Variants in NRXN3 observed in about 807,000 individuals in gnomAD.
NRXN3 encodes neurexin III.
A neutral mutation model predicts 137.6 loss-of-function variants in NRXN3; 32 were observed. That is an observed-to-expected ratio of 0.23 (90% CI 0.18 to 0.31). NRXN3 has a LOEUF of 0.31. Ranked by LOEUF, NRXN3 falls within the 10% of genes least tolerant of loss-of-function variation. NRXN3 has a pLI of 1.00. For missense variants in NRXN3, 1,574 were observed against 2,062.5 expected, an observed-to-expected ratio of 0.76 and a Z score of 4.59; for synonymous variants, 798 against 784.5, an observed-to-expected ratio of 1.02 and a Z score of -0.29.
chr14:78,513,015 A>G (rs1440504136), intron 4 of NRXN3, among the ~76,000 whole-genome samples: 2 of 152,128 alleles, frequency 1.3e-5, no homozygotes. Context: ...CTCATCCCAG[A>G]GCATTTGTTG....
intron 15 of NRXN3, among the ~76,000 whole-genome samples, chr14:79,026,108 T>C (rs1229162660): frequency 1.3e-5 from 2 of 152,088 alleles, no homozygotes; most frequent in African/African-American, 4.8e-5. Flanking sequence ...ATAGAGAAAG[T>C]AGGACTGGAA....
intron 8 of NRXN3, among the ~76,000 whole-genome samples, chr14:78,786,754 C>T (rs1245728883): frequency 2.0e-5 from 3 of 152,048 alleles, no homozygotes; most frequent in African/African-American, 7.2e-5. Flanking sequence ...TGTATATGTA[C>T]ACATATGTAT....
chr14:79,593,114 G>A (rs780606734), intron 16 of NRXN3, among the ~76,000 whole-genome samples: 1 of 151,704 alleles, frequency 6.6e-6, no homozygotes, highest in Non-Finnish European at 1.5e-5. Flanking sequence ...TCATATCTTA[G>A]CCCCTTTTCA....
chr14:79,148,302 A>G (rs1000171851), intron 15 of NRXN3, among the ~76,000 whole-genome samples: 3 of 152,182 alleles, frequency 2.0e-5, no homozygotes, highest in Non-Finnish European at 2.9e-5. Context: ...AGAGCCAACC[A>G]TTCACAGATC....
intron 16 of NRXN3, among the ~76,000 whole-genome samples, chr14:79,658,688 A>G (rs1013162682): frequency 1.3e-5 from 2 of 152,182 alleles, no homozygotes; most frequent in Non-Finnish European, 2.9e-5. Context: ...CCAGACTTTG[A>G]AATGGGTATG....
intron 1 of NRXN3, among the ~76,000 whole-genome samples, chr14:78,219,315 C>T (rs1358996588): frequency 3.9e-5 from 6 of 152,136 alleles, no homozygotes; most frequent in African/African-American, 1.2e-4. Context: ...GAAAATTAGA[C>T]CTCTTAAAGT....
At chr14:79,401,418 C>G (rs974086070) in intron 15 of NRXN3, among the ~76,000 whole-genome samples, 3 of 152,154 alleles carry the variant, frequency 2.0e-5, no homozygotes, top group Non-Finnish European at 4.4e-5. Context: ...AGTCCCACAC[C>G]AGACTTACTG....
At chr14:78,408,987 G>A (rs1475032233) in intron 4 of NRXN3, among the ~76,000 whole-genome samples, 1 of 152,320 alleles carries the variant, frequency 6.6e-6, no homozygotes, top group South Asian at 2.1e-4. Context: ...CCTACTTCAG[G>A]ACTTGAAATT....
chr14:79,454,498 G>A (rs973577625), intron 15 of NRXN3, among the ~76,000 whole-genome samples: 6 of 152,148 alleles, frequency 3.9e-5, no homozygotes, highest in Non-Finnish European at 8.8e-5. Context: ...ATACAGGCAT[G>A]AGTCACCGTG....
In NRXN3 at chr14:78,943,239, C is replaced by G. The variant is rs553896772; in HGVS notation, c.2276-14003C>G. The stretch of plus-strand genomic sequence containing the variant: ...GGGAAAACCATGGACAGCCATGTCA[C>G]TGAAGATGGGAGTGGCTGCTGAAGC... On this transcript the variant is annotated intron_variant, in intron 10 of 20. Transcript: ENST00000335750. Among the ~76,000 whole-genome samples, 5 of 152,152 alleles carry G rather than the reference C, an allele frequency of 3.3e-5. No individual in the cohort carries two copies. In the South Asian group the frequency reaches 1.0e-3, roughly 32 times the overall value.
chr14:79,529,140 C>A (rs1449831664), intron 16 of NRXN3, among the ~76,000 whole-genome samples: 2 of 152,162 alleles, frequency 1.3e-5, no homozygotes, highest in Admixed American at 1.3e-4. Flanking sequence ...AAAATCCGAG[C>A]TCTCTGAGTG....
At chr14:79,142,492 C>T (rs931472246) in intron 15 of NRXN3, among the ~76,000 whole-genome samples, 2 of 151,024 alleles carry the variant, frequency 1.3e-5, no homozygotes, top group African/African-American at 2.4e-5. Context: ...CTGAGGGGGA[C>T]ATTTGAGCAA....
At chr14:78,326,637 A>AATTACTTG (rs1352478439) in intron 4 of NRXN3, among the ~76,000 whole-genome samples, 2 of 152,170 alleles carry the variant, frequency 1.3e-5, no homozygotes, top group African/African-American at 2.4e-5. Context: ...TAACTAGGAC[A>AATTACTTG]TCCAGGAGCA....
At chr14:78,897,114 T>G (rs1209325423) in intron 10 of NRXN3, among the ~76,000 whole-genome samples, 1 of 151,936 alleles carries the variant, frequency 6.6e-6, no homozygotes, top group East Asian at 1.9e-4. Context: ...GCCTACAAGC[T>G]GAAAATATTT....
chr14:79,032,862 G>A (rs1048794046), intron 15 of NRXN3, among the ~76,000 whole-genome samples: 1 of 152,038 alleles, frequency 6.6e-6, no homozygotes, highest in South Asian at 2.1e-4. Flanking sequence ...ACTGCTCTAT[G>A]GTTCAGTTAT....
chr14:78,179,834 G>GGTTTTTTTTTTTTTTTTTTTTTTT (rs2059638801), intron 1 of NRXN3, among the ~76,000 whole-genome samples: 1 of 111,394 alleles, frequency 9.0e-6, no homozygotes, highest in Non-Finnish European at 1.9e-5. Flanking sequence ...GTTTGTTTCT[G>GGTTTTTTTTTTTTTTTTTTTTTTT]TTTTTTTGTT....
intron 4 of NRXN3, among the ~76,000 whole-genome samples, chr14:78,606,327 CA>C (rs2097252567): frequency 6.6e-6 from 1 of 152,114 alleles, no homozygotes; most frequent in African/African-American, 2.4e-5. Flanking sequence ...TTTTTTTAGT[CA>C]GGAAATACCA....
rs988674063 is a variant in NRXN3, at chr14:79,868,050, G to A, written c.*6086G>A. ...ACTTAAGATAAACTGCTTAGCTAAG[G>A]CTCAGCTTTCATACCTATAATTTTG... On this transcript the variant is annotated 3_prime_UTR_variant, in exon 21 of 21. Coordinates refer to ENST00000335750, the MANE Select transcript of NRXN3 (RefSeq NM_001330195.2). 1.3e-5 allele frequency: 2 copies of A among 152,022 alleles called. No individual in the cohort carries two copies. The highest frequency in any genetic ancestry group is 3.9e-4 in the East Asian group (2 of 5,194). 9.4% of individuals were successfully genotyped at this position (152,022 alleles called of 1,614,324 possible).
intron 4 of NRXN3, among the ~76,000 whole-genome samples, chr14:78,391,036 G>T (rs1342082786): frequency 6.6e-6 from 1 of 152,124 alleles, no homozygotes; most frequent in African/African-American, 2.4e-5. Context: ...TGTGGTGTTT[G>T]GTTTTCTGTT....
Sources: gnomAD v4.1 joint callset for allele counts (sites outside exome capture counted in the v4.1 genomes callset) on GRCh38, gnomAD v4.1.1 for gene constraint, MANE v1.5 for transcripts, NCBI Gene and HGNC (gene_info 2026-07-23, HGNC 2026-07-21) for gene names.